PTPRD: variants seen among roughly 807,000 people sequenced by gnomAD.
PTPRD encodes the protein protein tyrosine phosphatase receptor type D.
Under a neutral mutation model 214.5 loss-of-function variants are expected in PTPRD, and 34 were observed. That is an observed-to-expected ratio of 0.16 (90% CI 0.12 to 0.21). The LOEUF (loss-of-function observed/expected upper bound fraction) is 0.21, where lower values mean the gene tolerates loss of function less well. PTPRD is among the 10% of genes least tolerant of loss of function. The probability of loss-of-function intolerance (pLI) is 1.00; values close to 1 mark genes in which losing one functional copy is unlikely to be tolerated. For synonymous variants in PTPRD, 1,128 were observed against 845.7 expected (o/e 1.33, Z -5.79); for missense variants, 2,545 against 2,398.7 (o/e 1.06, Z -1.27).
chr9:8,826,378 A>G (rs1016214245), intron 11 of PTPRD, among the ~76,000 whole-genome samples: 2 of 152,044 alleles, frequency 1.3e-5, no homozygotes, highest in African/African-American at 4.8e-5. Context: ...CTTAAATGAA[A>G]TCCAATCTCA....
At chr9:9,378,731 C>CATT (rs34091459) in intron 9 of PTPRD, among the ~76,000 whole-genome samples, 35,114 of 151,826 alleles carry the variant, frequency 0.23, 4,101 homozygotes, top group Middle Eastern at 0.37. Context: ...AGTTGTATAT[C>CATT]GTTGTTTGAA....
At chr9:10,028,094 T>A (rs139356752) in intron 4 of PTPRD, among the ~76,000 whole-genome samples, 2 of 152,150 alleles carry the variant, frequency 1.3e-5, no homozygotes, top group African/African-American at 4.8e-5. Flanking sequence ...TGAGGGCGGG[T>A]CTTTCTTGTG....
chr9:10,190,665 C>T (rs1045793320), intron 3 of PTPRD, among the ~76,000 whole-genome samples: 7 of 140,346 alleles, frequency 5.0e-5, no homozygotes, highest in African/African-American at 1.6e-4. Context: ...GTACAGTAAG[C>T]CAAGATCATG....
At chr9:9,083,784 C>CA (rs2099762651) in intron 10 of PTPRD, among the ~76,000 whole-genome samples, 1 of 151,822 alleles carries the variant, frequency 6.6e-6, no homozygotes, top group South Asian at 2.1e-4. Context: ...TTTATGCAGC[C>CA]AAAAAACATA....
chr9:9,367,606 G>A (rs2058230083), intron 9 of PTPRD, among the ~76,000 whole-genome samples: 2 of 151,312 alleles, frequency 1.3e-5, no homozygotes, highest in South Asian at 4.2e-4. Context: ...TTGGAAGTTT[G>A]GCATTAAAAA....
At chr9:9,076,427 C>A (rs1158940198) in intron 10 of PTPRD, among the ~76,000 whole-genome samples, 1 of 151,864 alleles carries the variant, frequency 6.6e-6, no homozygotes, top group African/African-American at 2.4e-5. Context: ...TACCCATTAA[C>A]CGTCCCCTTT....
intron 3 of PTPRD, among the ~76,000 whole-genome samples, chr9:10,326,215 G>C (rs1467637150): frequency 6.6e-6 from 1 of 151,640 alleles, no homozygotes; most frequent in Non-Finnish European, 1.5e-5. Flanking sequence ...GGCAATTTTT[G>C]TGTTCTTTAA....
intron 3 of PTPRD, among the ~76,000 whole-genome samples, chr9:10,264,370 A>G (rs2093910312): frequency 6.6e-6 from 1 of 152,160 alleles, no homozygotes; most frequent in Non-Finnish European, 1.5e-5. Context: ...TACCCTGCAC[A>G]GCCACAGGGT....
chr9:8,455,951 T>G (rs1022535298), intron 33 of PTPRD, among the ~76,000 whole-genome samples: 3 of 152,180 alleles, frequency 2.0e-5, no homozygotes, highest in African/African-American at 7.2e-5. Flanking sequence ...TGGGTACATA[T>G]GTGGTACAAA....
chr9:10,002,340 A>G (rs866523889), intron 4 of PTPRD, among the ~76,000 whole-genome samples: 9 of 146,750 alleles, frequency 6.1e-5, no homozygotes, highest in Non-Finnish European at 1.4e-4. Flanking sequence ...AAATATATAT[A>G]TATATATTTA....
At chr9:8,346,861 T>C (rs909870107) in intron 39 of PTPRD, among the ~76,000 whole-genome samples, 1 of 152,142 alleles carries the variant, frequency 6.6e-6, no homozygotes, top group African/African-American at 2.4e-5. Context: ...CCTCTATATG[T>C]ACAATTGTGA....
intron 11 of PTPRD, among the ~76,000 whole-genome samples, chr9:8,743,583 C>T (rs2092387419): frequency 6.6e-6 from 1 of 152,086 alleles, no homozygotes; most frequent in Non-Finnish European, 1.5e-5. Context: ...ACCTCTCTCA[C>T]CTTATACACA....
At chr9:9,605,014 T>C (rs2094053081) in intron 7 of PTPRD, among the ~76,000 whole-genome samples, 1 of 152,084 alleles carries the variant, frequency 6.6e-6, no homozygotes, top group African/African-American at 2.4e-5. Flanking sequence ...TATATGCTCA[T>C]AAACTCAGAT....
intron 4 of PTPRD, among the ~76,000 whole-genome samples, chr9:9,980,534 G>T (rs549400454): frequency 1.4e-5 from 2 of 140,734 alleles, no homozygotes; most frequent in Admixed American, 1.5e-4. Flanking sequence ...CTTGAACCCG[G>T]GGGGGCAAAG....
At chr9:8,571,809 C>CT (rs753965034) in intron 14 of PTPRD, among the ~76,000 whole-genome samples, 20 of 152,126 alleles carry the variant, frequency 1.3e-4, no homozygotes, top group Non-Finnish European at 2.2e-4. Flanking sequence ...CCTGGAGCTG[C>CT]GGAAATTGCC....
In PTPRD at chr9:8,732,120, A is replaced by G. The variant is rs183520266; in HGVS notation, c.64+1660T>C. ...GAAGATGGAGGAGAAAACCAGTAAG[A>G]TGACGGTTATCTGCAGAAAAGATTG... On this transcript the variant is annotated intron_variant, in intron 12 of 45. Transcript: ENST00000381196. Among the ~76,000 whole-genome samples, 264 of 152,368 alleles carry G rather than the reference A, an allele frequency of 1.7e-3. 1 individual carries two copies. Among genetic ancestry groups the G allele is most frequent in the African/African-American group, 6.0e-3 (251 of 41,584 alleles).
chr9:9,876,113 G>C (rs1445688481), intron 5 of PTPRD, among the ~76,000 whole-genome samples: 1 of 152,094 alleles, frequency 6.6e-6, no homozygotes, highest in African/African-American at 2.4e-5. Context: ...GTAAGAGATT[G>C]TGTTTTGAAC....
intron 44 of PTPRD, among the ~76,000 whole-genome samples, chr9:8,330,832 A>C (rs978168524): frequency 6.6e-6 from 1 of 150,508 alleles, no homozygotes; most frequent in Non-Finnish European, 1.5e-5. Context: ...TATATTTTTT[A>C]ATAAACTCTC....
At chr9:8,480,981 T>C (rs958019337) in intron 30 of PTPRD, among the ~76,000 whole-genome samples, 2 of 151,724 alleles carry the variant, frequency 1.3e-5, no homozygotes, top group Non-Finnish European at 2.9e-5. Flanking sequence ...CTACTAAAAA[T>C]ACAAAAAGAT....
Sources: allele counts gnomAD v4.1 joint callset (sites outside exome capture counted in the v4.1 genomes callset), GRCh38; gene constraint gnomAD v4.1.1; transcripts MANE v1.5; gene names NCBI Gene and HGNC (gene_info 2026-07-23, HGNC 2026-07-21).